Variants in SHISA5 observed in about 807,000 individuals in gnomAD.
The protein encoded by SHISA5 is protein shisa-5.
A neutral mutation model predicts 27.5 loss-of-function variants in SHISA5; 21 were observed. That is an observed-to-expected ratio of 0.76 (90% CI 0.54 to 1.10). The LOEUF is 1.10. Ranked by LOEUF, SHISA5 falls within the 50% of genes least tolerant of loss-of-function variation. The pLI, the probability that SHISA5 is intolerant of heterozygous loss-of-function variation, is 0.00. For synonymous variants in SHISA5, 137 were observed against 142.2 expected (o/e 0.96, Z 0.26); for missense variants, 314 against 336.3 (o/e 0.93, Z 0.52).
In SHISA5 at chr3:48,469,140, C is replaced by A; in HGVS notation, c.690G>T (p.Pro230=). The change falls in exon 6 of 6, where the codon CCG becomes CCT. Residue 230 remains proline (P), a synonymous_variant. Coordinates refer to ENST00000296444, the MANE Select transcript of SHISA5 (RefSeq NM_016479.6). The surrounding 1 kb of genome is among the most constrained non-coding windows in gnomAD (Gnocchi z 4.6). ...CCGCCTTCGGGGCATCCATGTAGGC[C>A]GGGTTGTAAGGAGGCTGGCTGGCGG... is the stretch of plus-strand genomic sequence containing the variant. ...PYPASQPPYN[P]AYMDAPKAAL 1.2e-6 allele frequency: 2 copies of A among 1,613,056 alleles called. No homozygotes were observed. Among genetic ancestry groups the A allele is most frequent in the Non-Finnish European group, 1.7e-6 (2 of 1,180,018 alleles).
chr3:48,469,993 C>G lies in SHISA5; in HGVS notation c.315-150G>C, dbSNP rs1323069341. 9.8e-7 allele frequency: 1 copy of G among 1,016,904 alleles called. No individual in the cohort carries two copies. The highest frequency in any genetic ancestry group is 1.4e-6 in the Non-Finnish European group (1 of 699,634). The allele number at this position is 1,016,904 out of a possible 1,614,324, so 63.0% of individuals were successfully genotyped here. A position where few individuals can be genotyped will look rare whatever the true frequency, so the allele number is the denominator to read the frequency against. On this transcript the variant is annotated intron_variant, in intron 3 of 5. Coordinates refer to ENST00000296444, the MANE Select transcript of SHISA5 (RefSeq NM_016479.6). The surrounding 1 kb of genome is among the most constrained non-coding windows in gnomAD (Gnocchi z 4.6). Reference sequence around the variant, plus strand: ...TCGGGTGGCCTGCACCTGTTTCAATCTGTTTCCTCTTGTGTAAACTGGGGT... The same window carrying G: ...TCGGGTGGCCTGCACCTGTTTCAATGTGTTTCCTCTTGTGTAAACTGGGGT...
chr3:48,469,183 C>G lies in SHISA5; in HGVS notation c.647G>C (p.Gly216Ala), dbSNP rs774585802. 78 of 1,611,830 alleles carry G rather than the reference C, an allele frequency of 4.8e-5. No individual in the cohort carries two copies. The highest frequency in any genetic ancestry group is 6.7e-5 in the East Asian group (3 of 44,864). The change falls in exon 6 of 6, where the codon GGA (glycine) becomes GCA (alanine). Residue 216 changes from glycine (G) to alanine (A), a missense_variant. Physicochemically the swap from Gly to Ala is moderately conservative, Grantham distance 60 (BLOSUM62 0). Transcript: ENST00000296444. This position sits in a 1 kb window ranked among gnomAD's most constrained non-coding sequence, Gnocchi z 4.6. ...GCTGGCGGGGTAGGGCGCGGCTGCTCCTCCTGAAAGCAGAGAGGACCCTGG... is the reference window on the plus strand; with the variant it reads ...GCTGGCGGGGTAGGGCGCGGCTGCTGCTCCTGAAAGCAGAGAGGACCCTGG... ...PPAYHETLAG[G>A]AAAPYPASQP... is the part of the protein sequence containing the mutation.
chr3:48,471,568 A>C (rs1194355796), intron 3 of SHISA5, among the ~76,000 whole-genome samples: 1 of 109,068 alleles, frequency 9.2e-6, no homozygotes, highest in East Asian at 2.9e-4. Context: ...AAAAAAAAAA[A>C]AAAAAAAAAA....
At chr3:48,482,383 C>T (rs1004634796) in intron 2 of SHISA5, among the ~76,000 whole-genome samples, 3 of 151,558 alleles carry the variant, frequency 2.0e-5, no homozygotes, top group Admixed American at 6.6e-5. Context: ...CCAGCCTGGG[C>T]GACAGACTGA....
rs1478471769 is a variant in SHISA5 at position 48,502,447 on chromosome 3, G to C, written c.77-1154C>G. ...GGGCTCCAAGGCAGTGGCACCATCT[G>C]TAGCCCTGGAGCCATCACAAGACTC... On this transcript the variant is annotated intron_variant, in intron 1 of 5. Transcript: ENST00000296444. The C allele has an allele frequency of 6.6e-6, 3 of 456,214 alleles. No individual in the cohort carries two copies. The Admixed American group carries it at 7.1e-5, about 11-fold the overall frequency. 28.3% of individuals were successfully genotyped at this position (456,214 alleles called of 1,614,324 possible).
intron 2 of SHISA5, among the ~76,000 whole-genome samples, chr3:48,488,725 A>T (rs1410532538): frequency 6.6e-6 from 1 of 150,404 alleles, no homozygotes; most frequent in Non-Finnish European, 1.5e-5. Flanking sequence ...CCCAGCTACT[A>T]GGGAGGCTGA....
intron 2 of SHISA5, among the ~76,000 whole-genome samples, chr3:48,481,954 A>G (rs2041034494): frequency 7.0e-6 from 1 of 143,256 alleles, no homozygotes; most frequent in African/African-American, 2.6e-5. Flanking sequence ...CTGTAGTCAC[A>G]GCTACTCGGG....
Position 48,469,274 on chromosome 3 carries a change from G to T in SHISA5, c.643+87C>A. 1 of 1,576,496 alleles carries T rather than the reference G, an allele frequency of 6.3e-7. No homozygotes were observed. ...AAGCAGAAAGGGGCAGAGGCCTGTT[G>T]AGTGATGTAGTTTGGGATGGGTGCC... On this transcript the variant is annotated intron_variant, in intron 5 of 5. Transcript: ENST00000296444. The surrounding 1 kb of genome is among the most constrained non-coding windows in gnomAD (Gnocchi z 4.6).
chr3:48,493,706 A>G (rs2041487171), intron 2 of SHISA5, among the ~76,000 whole-genome samples: 1 of 143,570 alleles, frequency 7.0e-6, no homozygotes, highest in Non-Finnish European at 1.5e-5. Flanking sequence ...TAATTTTTCT[A>G]TTTTTTAGTA....
intron 2 of SHISA5, chr3:48,479,556 T>C: frequency 5.1e-6 from 2 of 391,138 alleles, no homozygotes; most frequent in Non-Finnish European, 9.1e-6. Flanking sequence ...CAGGATGAAG[T>C]TACAAATCAG....
At chr3:48,503,611 C>T in intron 1 of SHISA5, 1 of 732,134 alleles carries the variant, frequency 1.4e-6, no homozygotes. Flanking sequence ...ACGGAGGCAG[C>T]GGTGGGGGCT....
rs1343472419 is a variant in SHISA5, at chr3:48,468,936, C to T, written c.*171G>A. 4 of 1,555,286 alleles carry T rather than the reference C, an allele frequency of 2.6e-6. No homozygotes were observed. The African/African-American group carries it at 4.1e-5, about 16-fold the overall frequency. On this transcript the variant is annotated 3_prime_UTR_variant, in exon 6 of 6. Transcript: ENST00000296444. Reference sequence around the variant, plus strand: ...TGGCAAGGATTGTTCCCCACCTTGTCAGCATCAGAGGAAGCCACATATACA... The same window carrying T: ...TGGCAAGGATTGTTCCCCACCTTGTTAGCATCAGAGGAAGCCACATATACA...
Position 48,490,142 on chromosome 3 carries a change from C to T in SHISA5, c.234-10885G>A, listed in dbSNP as rs369531966. Among the ~76,000 whole-genome samples the T allele has an allele frequency of 5.3e-5, 8 of 152,112 alleles. No individual in the cohort carries two copies. The East Asian group carries it at 5.8e-4, about 11-fold the overall frequency. On this transcript the variant is annotated intron_variant, in intron 2 of 5. Coordinates refer to ENST00000296444, the MANE Select transcript of SHISA5 (RefSeq NM_016479.6). ...TGGCTGGAGTGCAATGGCGCAATCT[C>T]GGTTCACTACAACCTCCACCTCCTG...
intron 2 of SHISA5, among the ~76,000 whole-genome samples, chr3:48,489,566 C>T (rs1015998492): frequency 6.6e-6 from 1 of 151,498 alleles, no homozygotes; most frequent in African/African-American, 2.4e-5. Flanking sequence ...TTGTGATCCG[C>T]CCGCCTCGGC....
chr3:48,494,222 C>T (rs1197401551), intron 2 of SHISA5, among the ~76,000 whole-genome samples: 1 of 146,664 alleles, frequency 6.8e-6, no homozygotes, highest in East Asian at 1.9e-4. Context: ...TGTCTTTCTG[C>T]GCCTAGCTTA....
Position 48,468,108 on chromosome 3 carries a change from G to T in SHISA5, c.*999C>A. The T allele has an allele frequency of 1.0e-6, 1 of 982,550 alleles. No homozygotes were observed. Among genetic ancestry groups the T allele is most frequent in the East Asian group, 9.9e-5 (1 of 10,140 alleles). The allele number at this position is 982,550 out of a possible 1,614,324, so 60.9% of individuals were successfully genotyped here. ...CACCGTGGACTGGGGTACAGGAGTT[G>T]TTGCATATTCCATGAGGCTGGTGTC... On this transcript the variant is annotated 3_prime_UTR_variant, in exon 6 of 6. Coordinates refer to ENST00000296444, the MANE Select transcript of SHISA5 (RefSeq NM_016479.6).
intron 3 of SHISA5, among the ~76,000 whole-genome samples, chr3:48,477,987 T>A (rs143563054): frequency 6.6e-6 from 1 of 152,236 alleles, no homozygotes; most frequent in Admixed American, 6.5e-5. Context: ...GCAGCCAGTG[T>A]GGTCTTCCTA....
In SHISA5 at chr3:48,494,538, C is replaced by G. The variant is rs980301139; in HGVS notation, c.233+6599G>C. Among the ~76,000 whole-genome samples the G allele has an allele frequency of 1.1e-3, 160 of 147,486 alleles. 9 individuals are homozygous for G. The highest frequency in any genetic ancestry group is 2.9e-3 in the Admixed American group (44 of 15,082). On this transcript the variant is annotated intron_variant, in intron 2 of 5. Coordinates refer to ENST00000296444, the MANE Select transcript of SHISA5 (RefSeq NM_016479.6). Reference sequence around the variant, plus strand: ...TCGATCTCCTGACCTCGTGATCCACCCCCCCTTGGCCTCCCAAAGTGCTGG... The same window carrying G: ...TCGATCTCCTGACCTCGTGATCCACGCCCCCTTGGCCTCCCAAAGTGCTGG...
At chr3:48,471,918 G>A (rs1282944747) in intron 3 of SHISA5, among the ~76,000 whole-genome samples, 1 of 152,032 alleles carries the variant, frequency 6.6e-6, no homozygotes, top group African/African-American at 2.4e-5. Context: ...TAAAAAACTG[G>A]CCAGGCGCGG....
Sources: gnomAD v4.1 joint callset for allele counts (sites outside exome capture counted in the v4.1 genomes callset) on GRCh38, gnomAD v4.1.1 for gene constraint, Gnocchi (gnomAD v3.1) non-coding constraint, MANE v1.5 for transcripts, NCBI Gene and HGNC (gene_info 2026-07-23, HGNC 2026-07-21) for gene names.